Variants in NEDD4L observed in about 807,000 individuals in gnomAD.
The protein encoded by NEDD4L is E3 ubiquitin-protein ligase NEDD4-like.
In NEDD4L, 54 loss-of-function variants were observed where a neutral mutation model predicts 148.9. The ratio of observed to expected loss-of-function variants is 0.36; its 90% CI spans 0.29 to 0.45. NEDD4L has a LOEUF of 0.45. Ranked by LOEUF, NEDD4L falls within the 20% of genes least tolerant of loss-of-function variation. NEDD4L has a pLI of 1.00. For synonymous variants in NEDD4L, 433 were observed against 440.7 expected (o/e 0.98, Z 0.22); for missense variants, 856 against 1,233.8 (o/e 0.69, Z 4.59).
At chr18:58,175,225 G>A (rs1278561329) in intron 2 of NEDD4L, among the ~76,000 whole-genome samples, 2 of 152,258 alleles carry the variant, frequency 1.3e-5, no homozygotes, top group African/African-American at 2.4e-5. Context: ...CACTGGGCCT[G>A]CATCTGTGCA....
chr18:58,228,538 G>C (rs1202100252), intron 2 of NEDD4L, among the ~76,000 whole-genome samples: 1 of 152,214 alleles, frequency 6.6e-6, no homozygotes, highest in Non-Finnish European at 1.5e-5. Context: ...AGTGGGTGAG[G>C]CATAGGCTAT....
At chr18:58,125,174 G>A (rs1431471543) in intron 1 of NEDD4L, among the ~76,000 whole-genome samples, 1 of 152,254 alleles carries the variant, frequency 6.6e-6, no homozygotes, top group Non-Finnish European at 1.5e-5. Context: ...GTGGGGATTA[G>A]AGGTGTGAGG....
At chr18:58,147,493 C>G (rs1416700310) in intron 1 of NEDD4L, among the ~76,000 whole-genome samples, 4 of 152,192 alleles carry the variant, frequency 2.6e-5, no homozygotes, top group African/African-American at 4.8e-5. Context: ...TTAGAGCTGC[C>G]TGAGCTTGGA....
At chr18:58,103,918 A>G (rs1316497564) in intron 1 of NEDD4L, among the ~76,000 whole-genome samples, 2 of 152,258 alleles carry the variant, frequency 1.3e-5, no homozygotes, top group African/African-American at 4.8e-5. Context: ...AACAAATTTC[A>G]CATTAAAGGA....
intron 5 of NEDD4L, among the ~76,000 whole-genome samples, chr18:58,297,753 A>G (rs2149211820): frequency 6.6e-6 from 1 of 152,236 alleles, no homozygotes; most frequent in East Asian, 1.9e-4. Context: ...CGCAGTCACA[A>G]GTGTCCTTTT....
intron 1 of NEDD4L, among the ~76,000 whole-genome samples, chr18:58,119,440 T>C (rs2086080081): frequency 1.3e-5 from 2 of 152,216 alleles, no homozygotes; most frequent in South Asian, 2.1e-4. Flanking sequence ...ATTTGTGTTC[T>C]GGAATCGCTT....
chr18:58,060,591 T>G (rs997024371), intron 1 of NEDD4L, among the ~76,000 whole-genome samples: 2 of 152,052 alleles, frequency 1.3e-5, no homozygotes, highest in Admixed American at 1.3e-4. Flanking sequence ...ACTGATTGAT[T>G]AGGTACAAAA....
At chr18:58,095,417 A>G (rs2084331683) in intron 1 of NEDD4L, among the ~76,000 whole-genome samples, 1 of 152,190 alleles carries the variant, frequency 6.6e-6, no homozygotes, top group African/African-American at 2.4e-5. Context: ...AGGGAGTGGC[A>G]AAAGCTGCTG....
At chr18:58,153,507 T>C (rs1285364008) in intron 1 of NEDD4L, among the ~76,000 whole-genome samples, 5 of 151,790 alleles carry the variant, frequency 3.3e-5, no homozygotes, top group African/African-American at 1.2e-4. Context: ...GCCCAGCTAA[T>C]TTTTCTATTT....
At chr18:58,165,750 C>A in intron 1 of NEDD4L, 38 bp from the exon 2 acceptor site, 2 of 1,571,728 alleles carry the variant, frequency 1.3e-6, no homozygotes, top group South Asian at 1.1e-5. Flanking sequence ...GATTGAAGAT[C>A]AGGTTTTTAA....
At chr18:58,082,094 A>T (rs1317131518) in intron 1 of NEDD4L, among the ~76,000 whole-genome samples, 13 of 76,818 alleles carry the variant, frequency 1.7e-4, no homozygotes, top group African/African-American at 1.2e-3. Flanking sequence ...ATATATATAT[A>T]TATATATATT....
At chr18:58,123,322 T>C (rs896651023) in intron 1 of NEDD4L, among the ~76,000 whole-genome samples, 2 of 152,190 alleles carry the variant, frequency 1.3e-5, no homozygotes, top group Non-Finnish European at 2.9e-5. Context: ...TCTAGAACCC[T>C]GATCTCAGGC....
At chr18:58,295,750 G>A (rs2055466147) in intron 5 of NEDD4L, among the ~76,000 whole-genome samples, 1 of 152,112 alleles carries the variant, frequency 6.6e-6, no homozygotes, top group Non-Finnish European at 1.5e-5. Flanking sequence ...TTCTGTATAA[G>A]CAGATGCACA....
chr18:58,218,961 C>G (rs2043441960), intron 2 of NEDD4L, among the ~76,000 whole-genome samples: 1 of 152,180 alleles, frequency 6.6e-6, no homozygotes, highest in Non-Finnish European at 1.5e-5. Context: ...TGAATCCACT[C>G]TGTAGCCTCT....
At chr18:58,096,618 G>A (rs2084429200) in intron 1 of NEDD4L, among the ~76,000 whole-genome samples, 1 of 151,782 alleles carries the variant, frequency 6.6e-6, no homozygotes, top group Non-Finnish European at 1.5e-5. Context: ...TGGCCAGGCT[G>A]ATCTTGACCT....
intron 1 of NEDD4L, among the ~76,000 whole-genome samples, chr18:58,164,692 A>G (rs1194765084): frequency 3.3e-5 from 5 of 152,188 alleles, no homozygotes; most frequent in African/African-American, 1.2e-4. Context: ...GCTGGTCTCG[A>G]ACTCCTGTCC....
Position 58,252,062 on chromosome 18 carries a change from G to A in NEDD4L, c.297+8G>A. On this transcript the variant is annotated splice_region_variant and intron_variant, in intron 5 of 30. Coordinates refer to ENST00000400345, the MANE Select transcript of NEDD4L (RefSeq NM_001144967.3). ...TTTGACGAAAATAGACTGGTAAGTG[G>A]ATGCCTGTATTTGAATTTTGCTTCA... 6.4e-7 allele frequency: 1 copy of A among 1,573,580 alleles called. No homozygotes were observed.
intron 2 of NEDD4L, among the ~76,000 whole-genome samples, chr18:58,202,332 C>T (rs2041506107): frequency 6.6e-6 from 1 of 152,256 alleles, no homozygotes; most frequent in Admixed American, 6.5e-5. Context: ...TTCCCTCTGC[C>T]TATTATTGGC....
At chr18:58,068,756 A>G (rs945742266) in intron 1 of NEDD4L, among the ~76,000 whole-genome samples, 1 of 152,194 alleles carries the variant, frequency 6.6e-6, no homozygotes, top group African/African-American at 2.4e-5. Flanking sequence ...GTGGGTGGCC[A>G]TGGCTCAGCC....
Sources: allele counts gnomAD v4.1 joint callset (sites outside exome capture counted in the v4.1 genomes callset), GRCh38; gene constraint gnomAD v4.1.1; transcripts MANE v1.5; gene names NCBI Gene and HGNC (gene_info 2026-07-23, HGNC 2026-07-21).